CABIN1: variants seen among roughly 807,000 people sequenced by gnomAD.
CABIN1 encodes the protein calcineurin binding protein 1.
A neutral mutation model predicts 227.7 loss-of-function variants in CABIN1; 133 were observed. The ratio of observed to expected loss-of-function variants is 0.58; its 90% CI spans 0.51 to 0.67. The LOEUF (loss-of-function observed/expected upper bound fraction) is 0.67. Ranked by LOEUF, CABIN1 falls within the 30% of genes least tolerant of loss-of-function variation. CABIN1 has a pLI of 0.00. For synonymous variants in CABIN1, 1,086 were observed against 1,155.1 expected, an observed-to-expected ratio of 0.94 and a Z score of 1.21; for missense variants, 2,408 against 2,852.5, an observed-to-expected ratio of 0.84 and a Z score of 3.55.
intron 24 of CABIN1, 152 bp from the exon 25 acceptor site, chr22:24,095,779 T>G: frequency 1.2e-6 from 1 of 813,530 alleles, no homozygotes; most frequent in South Asian, 1.4e-5. Flanking sequence ...AAATTAGTTG[T>G]AGGATGGTTG....
intron 33 of CABIN1, among the ~76,000 whole-genome samples, chr22:24,170,515 A>G (rs893639494): frequency 3.9e-5 from 6 of 152,116 alleles, no homozygotes; most frequent in African/African-American, 1.4e-4. Context: ...CACCACTGGT[A>G]TTGCCGCAGG....
intron 29 of CABIN1, among the ~76,000 whole-genome samples, chr22:24,153,314 G>A (rs1364486092): frequency 1.3e-5 from 2 of 152,254 alleles, no homozygotes; most frequent in African/African-American, 4.8e-5. Context: ...GCCTTCAGGA[G>A]TGGCCCTGAG....
intron 18 of CABIN1, 83 bp downstream of exon 18, chr22:24,072,593 T>C: frequency 3.9e-6 from 6 of 1,520,416 alleles, no homozygotes; most frequent in South Asian, 1.1e-5. Flanking sequence ...TCCTGGACCT[T>C]ATCCAGACGT....
intron 27 of CABIN1, among the ~76,000 whole-genome samples, 191 bp downstream of exon 27, chr22:24,113,939 C>T (rs549986700): frequency 6.6e-6 from 1 of 152,320 alleles, no homozygotes; most frequent in Admixed American, 6.5e-5. Context: ...AGTGAGGCAG[C>T]TCCTGAGGGT....
intron 6 of CABIN1, among the ~76,000 whole-genome samples, chr22:24,048,595 A>AT (rs1208788126): frequency 2.0e-5 from 3 of 151,954 alleles, no homozygotes; most frequent in African/African-American, 4.8e-5. Flanking sequence ...TAATTTTTGT[A>AT]TTTTTTGTAG....
Position 24,091,679 on chromosome 22 carries a change from A to C in CABIN1, c.3622A>C (p.Ile1208Leu), listed in dbSNP as rs757206954. 1 of 1,614,202 alleles carries C rather than the reference A, an allele frequency of 6.2e-7. No homozygotes were observed. Among genetic ancestry groups the C allele is most frequent in the Admixed American group, 1.7e-5 (1 of 60,026 alleles). Residue 1208 changes from isoleucine to leucine, a missense_variant, in exon 24 of 37, where the codon ATC (isoleucine) becomes CTC (leucine). Transcript: ENST00000263119. The stretch of plus-strand genomic sequence containing the variant: ...TGATGGTGACGAGGAGGAGTGGCTC[A>C]TCCACTACATGCTGGGCAAGGTGGC... The part of the protein sequence containing the change: ...EGDGDEEEWL[I>L]HYMLGKVAEK...
At position 24,176,352 on chromosome 22, in the gene CABIN1, G is replaced by T. The variant is rs765968690; in HGVS notation, c.6205+77G>T. ...AGCTGGCAGCCAGGGTGGGTTTCCC[G>T]GCCTGGCCTTGAAGGGCAGGGCCTG... is the stretch of plus-strand genomic sequence containing the variant. On this transcript the variant is annotated intron_variant, in intron 35 of 36. Transcript: ENST00000263119. The T allele has an allele frequency of 4.0e-6, 6 of 1,494,660 alleles. No individual in the cohort carries two copies. The East Asian group carries it at 1.2e-4, about 30-fold the overall frequency. The allele number at this position is 1,494,660 out of a possible 1,614,324, so 92.6% of individuals were successfully genotyped here.
At position 24,156,200 on chromosome 22, in the gene CABIN1, T is replaced by C. The variant is rs1226757380; in HGVS notation, c.4747-8200T>C. On this transcript the variant is annotated intron_variant, in intron 29 of 36. Transcript: ENST00000263119. ...CCACTTTGCTGGCGCTTTTGCTCAA[T>C]CGTCCCCTGGTGGGCTCTGGCGGCC... The C allele has an allele frequency of 2.6e-5, 10 of 389,758 alleles. No homozygotes were observed. The East Asian group carries it at 3.7e-4, about 14-fold the overall frequency. The allele number at this position is 389,758 out of a possible 1,614,324, so 24.1% of individuals were successfully genotyped here.
chr22:24,064,774 C>T (rs2039484749), intron 15 of CABIN1, among the ~76,000 whole-genome samples: 1 of 152,100 alleles, frequency 6.6e-6, no homozygotes, highest in Admixed American at 6.5e-5. Flanking sequence ...TTTCACCGCC[C>T]TTAATCCATT....
intron 23 of CABIN1, among the ~76,000 whole-genome samples, chr22:24,089,200 G>A (rs1236330952): frequency 1.3e-5 from 2 of 152,234 alleles, no homozygotes; most frequent in African/African-American, 4.8e-5. Context: ...AATAAATAGG[G>A]TGAGAAGTCA....
chr22:24,064,304 C>G, intron 15 of CABIN1, 117 bp downstream of exon 15: 1 of 1,123,712 alleles, frequency 8.9e-7, no homozygotes, highest in African/African-American at 1.5e-5. Flanking sequence ...CTCTGGGGTT[C>G]AAGGGATTCT....
chr22:24,047,939 A>G (rs1292723291), intron 6 of CABIN1, among the ~76,000 whole-genome samples: 1 of 152,248 alleles, frequency 6.6e-6, no homozygotes, highest in Non-Finnish European at 1.5e-5. Context: ...TGAGACCTGG[A>G]CTGTTCCCAA....
intron 29 of CABIN1, among the ~76,000 whole-genome samples, chr22:24,153,583 G>A (rs1468078545): frequency 6.6e-6 from 1 of 152,168 alleles, no homozygotes; most frequent in Non-Finnish European, 1.5e-5. Context: ...GGGGTTGGGG[G>A]GTGACAGGGT....
intron 28 of CABIN1, 107 bp from the exon 29 acceptor site, chr22:24,134,195 T>G: frequency 1.3e-6 from 1 of 740,910 alleles, no homozygotes; most frequent in Non-Finnish European, 2.4e-6. Context: ...GAACTGCTGC[T>G]CATCGTGGTT....
chr22:24,052,453 T>G (rs940814105), intron 8 of CABIN1, among the ~76,000 whole-genome samples: 1 of 115,950 alleles, frequency 8.6e-6, no homozygotes, highest in Non-Finnish European at 1.7e-5. Context: ...ATGTTGTATA[T>G]TTTCTTCTTT....
chr22:24,135,076 T>TCAAA (rs1215253960), intron 29 of CABIN1, among the ~76,000 whole-genome samples: 7 of 146,640 alleles, frequency 4.8e-5, no homozygotes, highest in Admixed American at 3.4e-4. Context: ...AGACTCTGTC[T>TCAAA]CAAACAAACA....
chr22:24,153,923 C>T (rs182560461), intron 29 of CABIN1, among the ~76,000 whole-genome samples: 13 of 152,320 alleles, frequency 8.5e-5, no homozygotes, highest in Middle Eastern at 6.8e-3. Context: ...GCTGCCCAGC[C>T]CATTCTGAGC....
intron 23 of CABIN1, among the ~76,000 whole-genome samples, chr22:24,089,594 C>A (rs1197912663): frequency 6.6e-6 from 1 of 152,174 alleles, no homozygotes; most frequent in South Asian, 2.1e-4. Flanking sequence ...TGCCTTGTGC[C>A]TCCTGGGTTT....
chr22:24,115,002 C>T (rs1484335582), intron 27 of CABIN1, among the ~76,000 whole-genome samples: 2 of 152,194 alleles, frequency 1.3e-5, no homozygotes, highest in Admixed American at 6.5e-5. Flanking sequence ...ACTATGCAGT[C>T]GCCAGCCAGT....
Sources: gnomAD v4.1 joint callset for allele counts (sites outside exome capture counted in the v4.1 genomes callset) on GRCh38, gnomAD v4.1.1 for gene constraint, MANE v1.5 for transcripts, NCBI Gene and HGNC (gene_info 2026-07-23, HGNC 2026-07-21) for gene names.